The following GNAT3 variants were observed in gnomAD, a reference collection of about 807,000 sequenced individuals.
The protein encoded by GNAT3 is G protein subunit alpha transducin 3.
Under a neutral mutation model 37.7 loss-of-function variants are expected in GNAT3, and 31 were observed. The observed-to-expected ratio is 0.82, with a 90% CI of 0.62 to 1.11. The LOEUF (loss-of-function observed/expected upper bound fraction) is 1.11, where lower values mean the gene tolerates loss of function less well. Ranked by LOEUF, GNAT3 falls within the 50% of genes most tolerant of loss-of-function variation. The pLI is 0.00. For synonymous variants in GNAT3, 138 were observed against 139.8 expected (o/e 0.99, Z 0.09); for missense variants, 437 against 412.5 (o/e 1.06, Z -0.51).
Position 80,462,596 on chromosome 7 carries a change from T to C in GNAT3, c.626A>G (p.Lys209Arg), listed in dbSNP as rs771339607. ...FDVGGQRSER[K>R]KWIHCFEGVT... ...TCCTTCAAAGCAGTGAATCCACTTC[T>C]TTCTCTCAGATCTCTGTCCACCTAC... The change falls in exon 6 of 8, where the codon AAG becomes AGG. Residue 209 changes from lysine to arginine, a missense_variant. Lys to Arg is a conservative substitution (Grantham distance 26, BLOSUM62 2). Coordinates refer to ENST00000398291, the MANE Select transcript of GNAT3 (RefSeq NM_001102386.3). 2.5e-6 allele frequency: 4 copies of C among 1,612,642 alleles called. No homozygotes were observed. The highest frequency in any genetic ancestry group is 3.3e-5 in the Admixed American group (2 of 59,940).
At chr7:80,459,759 T>C (rs772767179) in intron 7 of GNAT3, among the ~76,000 whole-genome samples, 3 of 152,224 alleles carry the variant, frequency 2.0e-5, no homozygotes, top group Non-Finnish European at 4.4e-5. Context: ...TTTCCTACTT[T>C]ATTGTAACTA....
intron 1 of GNAT3, among the ~76,000 whole-genome samples, chr7:80,500,824 A>C (rs1790818881): frequency 7.0e-6 from 1 of 143,446 alleles, no homozygotes; most frequent in Admixed American, 6.6e-5. Flanking sequence ...GTAGTAAATA[A>C]TGTTAATGAT....
chr7:80,490,501 G>A (rs749643212), intron 2 of GNAT3, among the ~76,000 whole-genome samples: 19 of 152,128 alleles, frequency 1.2e-4, no homozygotes, highest in Non-Finnish European at 2.5e-4. Context: ...TAGGTGTAAG[G>A]TATCAAAGAA....
Position 80,474,234 on chromosome 7 carries a change from A to G in GNAT3, c.590+17T>C. The G allele has an allele frequency of 6.2e-7, 1 of 1,601,882 alleles. No individual in the cohort carries two copies. The highest frequency in any genetic ancestry group is 1.3e-5 in the African/African-American group (1 of 74,858). On this transcript the variant is annotated intron_variant, in intron 5 of 7. Transcript: ENST00000398291. ...TGCATACTTCTGTCTACAGTTAGAA[A>G]AGATATTTGATCATACCTGAAGTGC...
At chr7:80,497,635 C>T (rs1378579634) in intron 1 of GNAT3, among the ~76,000 whole-genome samples, 2 of 107,080 alleles carry the variant, frequency 1.9e-5, no homozygotes, top group African/African-American at 4.8e-5. Context: ...TATACATATA[C>T]GTATATACAT....
chr7:80,500,012 C>T (rs1442578836), intron 1 of GNAT3, among the ~76,000 whole-genome samples: 1 of 152,118 alleles, frequency 6.6e-6, no homozygotes, highest in Non-Finnish European at 1.5e-5. Context: ...CACTCCTTTA[C>T]TCCTTTCTTG....
At chr7:80,485,661 T>G (rs1790466283) in intron 3 of GNAT3, among the ~76,000 whole-genome samples, 1 of 152,116 alleles carries the variant, frequency 6.6e-6, no homozygotes, top group Admixed American at 6.5e-5. Flanking sequence ...ACATAAATAA[T>G]AGTTTAATAA....
At chr7:80,495,186 G>A (rs902735363) in intron 1 of GNAT3, among the ~76,000 whole-genome samples, 7 of 151,992 alleles carry the variant, frequency 4.6e-5, no homozygotes, top group Non-Finnish European at 1.0e-4. Context: ...AAATAGTGCT[G>A]CAATAAACAT....
chr7:80,487,613 G>T (rs10246832), intron 3 of GNAT3: 40,236 of 152,032 alleles, frequency 0.26, 9,494 homozygotes, highest in African/African-American at 0.64. Flanking sequence ...CTAAGCTGGG[G>T]GAGGGAGTTC....
At chr7:80,500,971 T>A (rs1326117319) in intron 1 of GNAT3, among the ~76,000 whole-genome samples, 2 of 152,106 alleles carry the variant, frequency 1.3e-5, no homozygotes, top group African/African-American at 4.8e-5. Context: ...TTTATATTTA[T>A]GTCTGTGAGG....
intron 2 of GNAT3, among the ~76,000 whole-genome samples, chr7:80,490,579 GAGAGAATCATTGT>G (rs578004632): frequency 2.0e-5 from 3 of 152,146 alleles, no homozygotes; most frequent in Non-Finnish European, 4.4e-5. Context: ...GTCAAAAGGA[GAGAGAATCATTGT>G]AGGAAGAAAG....
chr7:80,497,374 G>A (rs1286663509), intron 1 of GNAT3, among the ~76,000 whole-genome samples: 2 of 151,960 alleles, frequency 1.3e-5, no homozygotes, highest in Non-Finnish European at 2.9e-5. Flanking sequence ...CTATTTTGCT[G>A]TAGGAAGTGC....
intron 2 of GNAT3, 113 bp downstream of exon 2, chr7:80,494,492 C>G: frequency 1.5e-6 from 1 of 645,702 alleles, no homozygotes; most frequent in Non-Finnish European, 2.8e-6. Context: ...ACTCTATGAT[C>G]CATGATTTAG....
chr7:80,501,782 TATAA>T (rs1482336570), intron 1 of GNAT3, among the ~76,000 whole-genome samples: 7 of 151,986 alleles, frequency 4.6e-5, no homozygotes, highest in Non-Finnish European at 7.4e-5. Flanking sequence ...ATGAATATTG[TATAA>T]ATAATGTGGA....
chr7:80,461,913 A>G (rs1017402384), intron 7 of GNAT3, among the ~76,000 whole-genome samples: 4 of 152,170 alleles, frequency 2.6e-5, no homozygotes, highest in Non-Finnish European at 4.4e-5. Flanking sequence ...GATAAAGTCT[A>G]TAGAGTAGCA....
chr7:80,497,606 ACG>A lies in GNAT3; in HGVS notation c.119-2961_119-2960del, dbSNP rs1415127488. The stretch of plus-strand genomic sequence containing the variant: ...TATATACATATACGTATATACATAT[ACG>A]TATATACATATACGTATATACATAT... On this transcript the variant is annotated intron_variant, in intron 1 of 7. Transcript: ENST00000398291. Among the ~76,000 whole-genome samples the A allele has an allele frequency of 2.4e-5, 3 of 123,456 alleles. 1 individual carries two copies. The highest frequency in any genetic ancestry group is 8.2e-5 in the African/African-American group (2 of 24,288). 81.0% of individuals were successfully genotyped at this position (123,456 alleles called of 152,430 possible). A position where few individuals can be genotyped will look rare whatever the true frequency, so the allele number is the denominator to read the frequency against.
chr7:80,477,824 T>G (rs1790330959), intron 4 of GNAT3, among the ~76,000 whole-genome samples: 1 of 152,062 alleles, frequency 6.6e-6, no homozygotes, highest in Non-Finnish European at 1.5e-5. Context: ...AAATAGAAAA[T>G]GAGTAATTAG....
At chr7:80,505,524 GC>G (rs947164394) in intron 1 of GNAT3, among the ~76,000 whole-genome samples, 16 of 151,974 alleles carry the variant, frequency 1.1e-4, no homozygotes, top group Admixed American at 1.3e-4. Flanking sequence ...CCGCCAACAC[GC>G]CCGGCTAACT....
intron 1 of GNAT3, among the ~76,000 whole-genome samples, chr7:80,500,230 CTTT>C (rs78207604): frequency 6.9e-6 from 1 of 144,190 alleles, no homozygotes. Flanking sequence ...AGTTTGCCTC[CTTT>C]TTTTTTTTTG....
Sources: allele counts gnomAD v4.1 joint callset (sites outside exome capture counted in the v4.1 genomes callset), GRCh38; gene constraint gnomAD v4.1.1; transcripts MANE v1.5; gene names NCBI Gene and HGNC (gene_info 2026-07-23, HGNC 2026-07-21).